The following CHCHD3 variants were observed in gnomAD, a reference collection of about 807,000 sequenced individuals.
CHCHD3 encodes MICOS complex subunit MIC19.
CHCHD3 carries 20 observed loss-of-function variants against 38.2 expected under a neutral mutation model. The observed-to-expected ratio is 0.52, with a 90% CI of 0.37 to 0.76. The LOEUF (loss-of-function observed/expected upper bound fraction) is 0.76. CHCHD3 is among the 30% of genes least tolerant of loss of function. The pLI is 0.00. For missense variants in CHCHD3, 245 were observed against 279.2 expected, an observed-to-expected ratio of 0.88 and a Z score of 0.87; for synonymous variants, 82 against 100.0, an observed-to-expected ratio of 0.82 and a Z score of 1.07.
chr7:132,804,225 G>A (rs1031106785), intron 6 of CHCHD3, among the ~76,000 whole-genome samples: 2 of 152,194 alleles, frequency 1.3e-5, no homozygotes, highest in South Asian at 4.2e-4. Context: ...TCCCTATTTG[G>A]AGAAATACAT....
At chr7:132,956,674 C>T (rs1811177852) in intron 4 of CHCHD3, among the ~76,000 whole-genome samples, 1 of 152,192 alleles carries the variant, frequency 6.6e-6, no homozygotes, top group African/African-American at 2.4e-5. Flanking sequence ...ACAGAGGCTA[C>T]AGATATTTAC....
At chr7:132,974,869 G>A (rs1270380834) in intron 4 of CHCHD3, among the ~76,000 whole-genome samples, 2 of 149,502 alleles carry the variant, frequency 1.3e-5, no homozygotes, top group Non-Finnish European at 3.0e-5. Flanking sequence ...GCAAGACTCC[G>A]TCTCAAAAAA....
chr7:132,987,264 T>A (rs1812146015), intron 3 of CHCHD3, among the ~76,000 whole-genome samples: 1 of 152,116 alleles, frequency 6.6e-6, no homozygotes, highest in African/African-American at 2.4e-5. Flanking sequence ...GAGAACATCA[T>A]GAAGTCTGAA....
intron 4 of CHCHD3, among the ~76,000 whole-genome samples, chr7:132,918,507 C>T (rs1032051666): frequency 6.6e-6 from 1 of 152,190 alleles, no homozygotes; most frequent in Non-Finnish European, 1.5e-5. Flanking sequence ...GTTGCAATAA[C>T]ATATCTAAGT....
At chr7:133,057,030 A>C (rs1814360219) in intron 2 of CHCHD3, among the ~76,000 whole-genome samples, 1 of 152,158 alleles carries the variant, frequency 6.6e-6, no homozygotes, top group Non-Finnish European at 1.5e-5. Flanking sequence ...TTTCCTCTGT[A>C]GCCCTATTTC....
chr7:132,963,694 T>TACAC lies in CHCHD3; in HGVS notation c.369+11471_369+11474dup, dbSNP rs71178068. On this transcript the variant is annotated intron_variant, in intron 4 of 7. Coordinates refer to ENST00000262570, the MANE Select transcript of CHCHD3 (RefSeq NM_017812.4). Reference sequence around the variant, plus strand: ...TTACCCTATGCAACACAAACGATTATACACACACACACACACACATAATCT... The same window carrying TACAC: ...TTACCCTATGCAACACAAACGATTATACACACACACACACACACACACATAATCT... Among the ~76,000 whole-genome samples, 455 of 148,838 alleles carry TACAC rather than the reference T, an allele frequency of 3.1e-3. 4 individuals carry two copies. Among genetic ancestry groups the TACAC allele is most frequent in the African/African-American group, 0.011 (426 of 40,144 alleles).
intron 4 of CHCHD3, among the ~76,000 whole-genome samples, chr7:132,913,893 G>A (rs138343011): frequency 6.6e-6 from 1 of 151,908 alleles, no homozygotes; most frequent in Non-Finnish European, 1.5e-5. Flanking sequence ...TTCGGAGCCA[G>A]GTATTTCAAG....
In CHCHD3 at chr7:132,821,747, C is replaced by CTTTTT. The variant is rs71178063; in HGVS notation, c.524+16647_524+16651dup. ...GTGGCCAAAAGCTTAGCACTCAAATCTTTTTTTTTTTTTTTTTTTTTTTTT... is the reference window on the plus strand; with the variant it reads ...GTGGCCAAAAGCTTAGCACTCAAATCTTTTTTTTTTTTTTTTTTTTTTTTTTTTTT... On this transcript the variant is annotated intron_variant, in intron 6 of 7. Transcript: ENST00000262570. Among the ~76,000 whole-genome samples the CTTTTT allele has an allele frequency of 1.8e-4, 18 of 100,288 alleles. 1 individual carries two copies. Among genetic ancestry groups the CTTTTT allele is most frequent in the African/African-American group, 4.9e-4 (11 of 22,298 alleles). The allele number at this position is 100,288 out of a possible 152,430, so 65.8% of individuals were successfully genotyped here.
At chr7:132,998,528 T>A (rs1812485134) in intron 3 of CHCHD3, among the ~76,000 whole-genome samples, 1 of 152,118 alleles carries the variant, frequency 6.6e-6, no homozygotes, top group African/African-American at 2.4e-5. Context: ...ATGTCATTCA[T>A]CAGAAATTTT....
chr7:133,001,252 C>A (rs375086866), intron 3 of CHCHD3, among the ~76,000 whole-genome samples: 5 of 152,288 alleles, frequency 3.3e-5, no homozygotes, highest in East Asian at 3.9e-4. Context: ...ACTACATTAG[C>A]AGAGTCAGGT....
chr7:132,984,967 C>T (rs1346240491), intron 3 of CHCHD3, among the ~76,000 whole-genome samples: 1 of 76,120 alleles, frequency 1.3e-5, no homozygotes, highest in Non-Finnish European at 2.7e-5. Flanking sequence ...GCCCGGCCGC[C>T]CCTACTGGGA....
chr7:132,829,212 T>C (rs1026694019), intron 6 of CHCHD3, among the ~76,000 whole-genome samples: 2 of 152,206 alleles, frequency 1.3e-5, no homozygotes, highest in African/African-American at 4.8e-5. Flanking sequence ...TGTAGTTAAT[T>C]ACTCAAGTAA....
intron 3 of CHCHD3, among the ~76,000 whole-genome samples, chr7:133,021,138 C>G (rs1813167598): frequency 6.6e-6 from 1 of 152,150 alleles, no homozygotes; most frequent in Non-Finnish European, 1.5e-5. Flanking sequence ...CAGCTGAGAA[C>G]CACTGCCTTA....
intron 4 of CHCHD3, chr7:132,886,995 C>A: frequency 7.8e-7 from 1 of 1,287,406 alleles, no homozygotes; most frequent in South Asian, 2.7e-5. Flanking sequence ...TATCCTGCAG[C>A]ATGTTAAAAA....
chr7:132,918,218 A>G (rs981428816), intron 4 of CHCHD3, among the ~76,000 whole-genome samples: 8 of 152,136 alleles, frequency 5.3e-5, no homozygotes, highest in Non-Finnish European at 1.2e-4. Flanking sequence ...TGGCAGGGGG[A>G]TGATATAATT....
At chr7:132,870,969 CAT>C (rs1197954076) in intron 5 of CHCHD3, among the ~76,000 whole-genome samples, 1 of 152,024 alleles carries the variant, frequency 6.6e-6, no homozygotes, top group Non-Finnish European at 1.5e-5. Context: ...ATTTCACTGA[CAT>C]ATTATCCAGG....
intron 5 of CHCHD3, among the ~76,000 whole-genome samples, chr7:132,850,402 C>T (rs928024886): frequency 3.2e-4 from 48 of 150,656 alleles, no homozygotes; most frequent in African/African-American, 8.5e-4. Context: ...AGTTTTATTC[C>T]AGGAGCTTTA....
At chr7:133,027,153 G>A (rs1017066042) in intron 2 of CHCHD3, among the ~76,000 whole-genome samples, 7 of 151,584 alleles carry the variant, frequency 4.6e-5, no homozygotes, top group African/African-American at 1.7e-4. Context: ...TGGCCAGGCT[G>A]GTCTCGAACT....
chr7:132,985,492 A>G (rs376730474), intron 3 of CHCHD3, among the ~76,000 whole-genome samples: 8,154 of 27,338 alleles, frequency 0.3, 2,710 homozygotes, highest in African/African-American at 0.43. Context: ...CGCCCCGTCC[A>G]GGAGGGAGGT....
Sources: allele counts gnomAD v4.1 joint callset (sites outside exome capture counted in the v4.1 genomes callset), GRCh38; gene constraint gnomAD v4.1.1; transcripts MANE v1.5; gene names NCBI Gene and HGNC (gene_info 2026-07-23, HGNC 2026-07-21).